The following OPHN1 variants were observed in gnomAD, a reference collection of about 807,000 sequenced individuals.
OPHN1 encodes oligophrenin 1.
Under a neutral mutation model 60.7 loss-of-function variants are expected in OPHN1, and 11 were observed. The observed-to-expected ratio is 0.18, with a 90% confidence interval of 0.11 to 0.30. OPHN1 has a LOEUF of 0.30. Ranked by LOEUF, OPHN1 falls within the 10% of genes least tolerant of loss-of-function variation. The probability of loss-of-function intolerance (pLI) is 1.00; values close to 1 mark genes in which losing one functional copy is unlikely to be tolerated. For synonymous variants in OPHN1, 226 were observed against 222.6 expected (o/e 1.02, Z -0.14); for missense variants, 449 against 611.0 (o/e 0.73, Z 2.80).
chrX:68,199,568 T>C (rs1169498194), intron 11 of OPHN1, among the ~76,000 whole-genome samples: 1 of 112,245 alleles, frequency 8.9e-6, no homozygotes, highest in Non-Finnish European at 1.9e-5. Flanking sequence ...CTCCAGGGAA[T>C]GTGAGTACAG....
intron 18 of OPHN1, among the ~76,000 whole-genome samples, chrX:68,109,090 G>C: frequency 9.0e-6 from 1 of 110,885 alleles, no homozygotes; most frequent in Admixed American, 9.6e-5. Flanking sequence ...CCGTGCAACT[G>C]TCACCCCTTA....
intron 6 of OPHN1, among the ~76,000 whole-genome samples, chrX:68,219,337 T>G (rs1353563567): frequency 3.3e-5 from 3 of 89,851 alleles, no homozygotes; most frequent in Non-Finnish European, 6.5e-5. Context: ...AATGGGAGAC[T>G]TTAACACCCC....
intron 5 of OPHN1, among the ~76,000 whole-genome samples, chrX:68,267,073 A>G (rs1433538462): frequency 9.0e-6 from 1 of 111,513 alleles, no homozygotes; most frequent in African/African-American, 3.3e-5. Context: ...CCACACAATA[A>G]TAATGGGAGA....
At chrX:68,432,796 G>A in intron 2 of OPHN1, 71 bp downstream of exon 2, 1 of 1,111,535 alleles carries the variant, frequency 9.0e-7, no homozygotes, top group Non-Finnish European at 1.2e-6. Flanking sequence ...CCCTTCCCCT[G>A]GTGGTGTGGA....
chrX:68,141,903 T>TGAAAGAAAGAAAGAAA (rs1569224287), intron 15 of OPHN1, among the ~76,000 whole-genome samples: 1 of 75,353 alleles, frequency 1.3e-5, no homozygotes, highest in African/African-American at 5.0e-5. Flanking sequence ...GTGATGTTAA[T>TGAAAGAAAGAAAGAAA]TAAAGAAAGA....
At chrX:68,200,416 G>A (rs747705228) in intron 11 of OPHN1, among the ~76,000 whole-genome samples, 1 of 111,259 alleles carries the variant, frequency 9.0e-6, no homozygotes, top group Non-Finnish European at 1.9e-5. Flanking sequence ...CCCTAACCAC[G>A]GGGACAAACT....
intron 15 of OPHN1, among the ~76,000 whole-genome samples, chrX:68,163,086 C>T (rs897569411): frequency 9.0e-6 from 1 of 110,841 alleles, no homozygotes; most frequent in Non-Finnish European, 1.9e-5. Context: ...GATAAATGTA[C>T]TTGAAAAACA....
intron 23 of OPHN1, among the ~76,000 whole-genome samples, chrX:68,050,927 T>C (rs1420450081): frequency 8.9e-6 from 1 of 112,511 alleles, no homozygotes; most frequent in Non-Finnish European, 1.9e-5. Context: ...AAAACTTTTA[T>C]CTTCATGCTA....
intron 2 of OPHN1, among the ~76,000 whole-genome samples, chrX:68,377,088 T>C (rs1415435715): frequency 2.0e-5 from 2 of 98,204 alleles, no homozygotes; most frequent in South Asian, 5.1e-4. Context: ...CGCCAACACA[T>C]GCAGCTAATT....
At chrX:68,410,042 T>C (rs1390265152) in intron 2 of OPHN1, among the ~76,000 whole-genome samples, 2 of 111,803 alleles carry the variant, frequency 1.8e-5, no homozygotes, top group African/African-American at 3.2e-5. Flanking sequence ...TGAATCAAAG[T>C]AGCAAATCCA....
intron 15 of OPHN1, among the ~76,000 whole-genome samples, chrX:68,144,156 G>A (rs2077254272): frequency 9.1e-6 from 1 of 110,430 alleles, no homozygotes; most frequent in African/African-American, 3.3e-5. Context: ...AGCCTCCCAA[G>A]TACAGGAGAA....
chrX:68,369,623 A>G (rs12009559), intron 2 of OPHN1, among the ~76,000 whole-genome samples: 17,857 of 109,589 alleles, frequency 0.16, 1,598 homozygotes, highest in African/African-American at 0.33. Flanking sequence ...CAGGAAAATG[A>G]CAATATCACT....
chrX:68,298,694 A>T (rs775521062), intron 3 of OPHN1, among the ~76,000 whole-genome samples: 49 of 112,354 alleles, frequency 4.4e-4, no homozygotes, highest in African/African-American at 1.6e-3. Flanking sequence ...AAATAAACCA[A>T]AAAAGTCCCC....
At chrX:68,267,749 GT>G (rs1242151062) in intron 5 of OPHN1, among the ~76,000 whole-genome samples, 1 of 111,551 alleles carries the variant, frequency 9.0e-6, no homozygotes, top group Admixed American at 9.6e-5. Flanking sequence ...CCAGGAGCTG[GT>G]TTTTTGAAAA....
At chrX:68,180,815 A>C (rs1403731432) in intron 15 of OPHN1, among the ~76,000 whole-genome samples, 1 of 111,984 alleles carries the variant, frequency 8.9e-6, no homozygotes, top group East Asian at 2.8e-4. Flanking sequence ...TGTTTCAGAA[A>C]CTTCCTGGAA....
chrX:68,198,862 C>T lies in OPHN1; in HGVS notation c.1026-1598G>A, dbSNP rs367895234. ...CTGCTGGAATCATGGGGTTCCTGTC[C>T]TACCTTCTCTTACTTCATTAAAGCA... On this transcript the variant is annotated intron_variant, in intron 11 of 24. Transcript: ENST00000355520. Among the ~76,000 whole-genome samples, 477 of 111,601 alleles carry T rather than the reference C, an allele frequency of 4.3e-3. 5 individuals carry two copies. The highest frequency in any genetic ancestry group is 0.015 in the African/African-American group (456 of 30,704).
At chrX:68,405,700 C>CA (rs758251961) in intron 2 of OPHN1, among the ~76,000 whole-genome samples, 19 of 111,297 alleles carry the variant, frequency 1.7e-4, no homozygotes, top group Non-Finnish European at 3.4e-4. Context: ...TGAGTTTTCA[C>CA]AAAAAAATGC....
chrX:68,253,764 T>C (rs1389367267), intron 5 of OPHN1, among the ~76,000 whole-genome samples: 1 of 112,254 alleles, frequency 8.9e-6, no homozygotes, highest in Non-Finnish European at 1.9e-5. Flanking sequence ...ATCTACTATA[T>C]TGACTTCTGA....
At chrX:68,085,788 A>G (rs375760734) in intron 19 of OPHN1, among the ~76,000 whole-genome samples, 1 of 112,039 alleles carries the variant, frequency 8.9e-6, no homozygotes, top group East Asian at 2.8e-4. Context: ...GAAACCTAGC[A>G]AGCTCTACCT....
Sources: allele counts gnomAD v4.1 joint callset (sites outside exome capture counted in the v4.1 genomes callset), GRCh38; gene constraint gnomAD v4.1.1; transcripts MANE v1.5; gene names NCBI Gene and HGNC (gene_info 2026-07-23, HGNC 2026-07-21).